Variants in ROBO1 observed in about 807,000 individuals in gnomAD.
The protein encoded by ROBO1 is roundabout guidance receptor 1.
ROBO1 carries 149 observed loss-of-function variants against 195.9 expected under a neutral mutation model. The ratio of observed to expected loss-of-function variants is 0.76; its 90% CI spans 0.67 to 0.87. The LOEUF is 0.87. ROBO1 is among the 40% of genes least tolerant of loss of function. The pLI, the probability that ROBO1 is intolerant of heterozygous loss-of-function variation, is 0.00. For synonymous variants in ROBO1, 816 were observed against 733.2 expected (o/e 1.11, Z -1.82); for missense variants, 1,933 against 2,068.3 (o/e 0.93, Z 1.27).
Position 79,287,555 on chromosome 3 carries a change from C to T in ROBO1, c.89-162016G>A, listed in dbSNP as rs181187071. Reference sequence around the variant, plus strand: ...TTGCAGGTGGTAGACAAATGAGAAACACAATGACTAGTTATCCCCATCTTC... The same window carrying T: ...TTGCAGGTGGTAGACAAATGAGAAATACAATGACTAGTTATCCCCATCTTC... On this transcript the variant is annotated intron_variant, in intron 2 of 30. Transcript: ENST00000464233. Among the ~76,000 whole-genome samples, 13 of 152,268 alleles carry T rather than the reference C, an allele frequency of 8.5e-5. No individual in the cohort carries two copies. In the East Asian group the frequency reaches 2.3e-3, roughly 27 times the overall value.
At chr3:79,186,182 G>A (rs1163579983) in intron 2 of ROBO1, among the ~76,000 whole-genome samples, 5 of 152,048 alleles carry the variant, frequency 3.3e-5, no homozygotes, top group Admixed American at 3.3e-4. Flanking sequence ...TGATACCCAA[G>A]TTAACTTTAT....
chr3:78,635,587 T>A (rs560719068), intron 23 of ROBO1, among the ~76,000 whole-genome samples, 186 bp downstream of exon 23: 59 of 152,262 alleles, frequency 3.9e-4, no homozygotes, highest in South Asian at 2.1e-3. Context: ...ATAAAATAAA[T>A]TTTCCAAGGT....
At chr3:78,703,608 G>T (rs2081473448) in intron 8 of ROBO1, among the ~76,000 whole-genome samples, 1 of 152,038 alleles carries the variant, frequency 6.6e-6, no homozygotes, top group East Asian at 1.9e-4. Context: ...GGAGGAGGAG[G>T]ATGAGGAGGA....
chr3:78,738,232 C>T lies in ROBO1; in HGVS notation c.657+8511G>A, dbSNP rs1337381468. Among the ~76,000 whole-genome samples the T allele has an allele frequency of 2.6e-5, 4 of 152,046 alleles. No homozygotes were observed. In the South Asian group the frequency reaches 6.2e-4, roughly 24 times the overall value. ...CTGGGGATTTGGATGGGATGTGAGT[C>T]AGCTGCTTTTTACCAAAATATCACA... On this transcript the variant is annotated intron_variant, in intron 5 of 30. Transcript: ENST00000464233.
chr3:78,995,894 AC>A (rs2077353994), intron 3 of ROBO1, among the ~76,000 whole-genome samples: 1 of 152,132 alleles, frequency 6.6e-6, no homozygotes, highest in Non-Finnish European at 1.5e-5. Flanking sequence ...TAAGAGCAAC[AC>A]AGGCCAGACA....
intron 4 of ROBO1, among the ~76,000 whole-genome samples, chr3:78,931,506 A>C (rs1433534665): frequency 6.6e-6 from 1 of 152,012 alleles, no homozygotes; most frequent in Non-Finnish European, 1.5e-5. Flanking sequence ...TCGGCCTCCC[A>C]AAGTGCTGGG....
intron 3 of ROBO1, among the ~76,000 whole-genome samples, chr3:79,026,858 T>C (rs558015009): frequency 6.0e-4 from 91 of 152,236 alleles, no homozygotes; most frequent in Middle Eastern, 6.8e-3. Flanking sequence ...TGTTTAGTTC[T>C]GCAGATGTGT....
chr3:78,613,943 G>A (rs928530404), intron 28 of ROBO1, among the ~76,000 whole-genome samples: 1 of 152,224 alleles, frequency 6.6e-6, no homozygotes, highest in African/African-American at 2.4e-5. Flanking sequence ...GACAACAGCA[G>A]TGAGTCTGAG....
intron 8 of ROBO1, among the ~76,000 whole-genome samples, chr3:78,701,212 GA>G (rs1460489111): frequency 5.3e-5 from 8 of 152,202 alleles, no homozygotes; most frequent in Non-Finnish European, 8.8e-5. Context: ...CTTTTAACAA[GA>G]AATGATTTAA....
chr3:79,251,881 T>TG (rs2082736194), intron 2 of ROBO1, among the ~76,000 whole-genome samples: 2 of 151,902 alleles, frequency 1.3e-5, no homozygotes, highest in South Asian at 4.2e-4. Context: ...ACCCAGGAGG[T>TG]GGAGGTTGCA....
intron 2 of ROBO1, among the ~76,000 whole-genome samples, chr3:79,165,149 G>C (rs533852152): frequency 6.6e-6 from 1 of 152,254 alleles, no homozygotes; most frequent in South Asian, 2.1e-4. Context: ...TGAGAGCCTA[G>C]AATAGTGCCT....
At chr3:79,517,333 G>A (rs1049658968) in intron 2 of ROBO1, among the ~76,000 whole-genome samples, 3 of 152,090 alleles carry the variant, frequency 2.0e-5, no homozygotes, top group Admixed American at 1.3e-4. Flanking sequence ...TGGAACAGTC[G>A]ACACTGACCA....
At chr3:78,993,305 C>T (rs536350059) in intron 3 of ROBO1, among the ~76,000 whole-genome samples, 37 of 152,246 alleles carry the variant, frequency 2.4e-4, no homozygotes, top group African/African-American at 8.4e-4. Context: ...ACTTTCAAAA[C>T]GTTTCTTTAA....
At chr3:78,607,684 A>G (rs538566425) in intron 28 of ROBO1, among the ~76,000 whole-genome samples, 1 of 152,296 alleles carries the variant, frequency 6.6e-6, no homozygotes, top group African/African-American at 2.4e-5. Flanking sequence ...TAACACTGCT[A>G]GTACCAGATG....
intron 10 of ROBO1, among the ~76,000 whole-genome samples, chr3:78,679,397 C>T (rs1476379608): frequency 6.6e-6 from 1 of 152,178 alleles, no homozygotes; most frequent in Non-Finnish European, 1.5e-5. Flanking sequence ...TCCCTGTTTG[C>T]AGATGACATG....
intron 2 of ROBO1, among the ~76,000 whole-genome samples, chr3:79,574,251 C>T (rs1943374469): frequency 6.6e-6 from 1 of 151,870 alleles, no homozygotes; most frequent in Non-Finnish European, 1.5e-5. Flanking sequence ...TCAATATTTC[C>T]TCTGGTTCCA....
intron 1 of ROBO1, among the ~76,000 whole-genome samples, chr3:79,724,629 T>C (rs1702838755): frequency 6.6e-6 from 1 of 152,094 alleles, no homozygotes; most frequent in Non-Finnish European, 1.5e-5. Context: ...AGAAACTGAG[T>C]CCCTCAGTCT....
chr3:79,034,922 C>T (rs2078356757), intron 3 of ROBO1, among the ~76,000 whole-genome samples: 1 of 151,968 alleles, frequency 6.6e-6, no homozygotes, highest in Non-Finnish European at 1.5e-5. Flanking sequence ...TATATATCAA[C>T]TTTGTTGGTG....
At chr3:79,487,154 C>T (rs529398837) in intron 2 of ROBO1, among the ~76,000 whole-genome samples, 48 of 5,356 alleles carry the variant, frequency 9.0e-3, no homozygotes, top group Non-Finnish European at 0.017. Context: ...CTGGATATTG[C>T]CTATGTAATA....
Sources: gnomAD v4.1 joint callset for allele counts (sites outside exome capture counted in the v4.1 genomes callset) on GRCh38, gnomAD v4.1.1 for gene constraint, MANE v1.5 for transcripts, NCBI Gene and HGNC (gene_info 2026-07-23, HGNC 2026-07-21) for gene names.